Variants in MYT1L observed in about 807,000 individuals in gnomAD.
The protein encoded by MYT1L is myelin transcription factor 1 like, also known as myelin transcription factor 1-like protein.
A neutral mutation model predicts 126.7 loss-of-function variants in MYT1L; 12 were observed. That is an observed-to-expected ratio of 0.09 (90% CI 0.06 to 0.15). The LOEUF (loss-of-function observed/expected upper bound fraction) is 0.15. Among genes scored for constraint, MYT1L ranks in the 10% least tolerant of loss-of-function variants. The pLI, the probability that MYT1L is intolerant of heterozygous loss-of-function variation, is 1.00. For missense variants in MYT1L, 979 were observed against 1,585.2 expected (o/e 0.62, Z 6.49); for synonymous variants, 541 against 604.2 (o/e 0.90, Z 1.53).
At position 1,926,158 on chromosome 2, in the gene MYT1L, G is replaced by C. The variant is rs141725415; in HGVS notation, c.506-2895C>G. On this transcript the variant is annotated intron_variant, in intron 9 of 24. Transcript: ENST00000647738. ...GGGACGGCGGGTGAAGATGGCGTGG[G>C]TGGCCTCAAAGCCTGGCAGGTGAAT... Among the ~76,000 whole-genome samples the C allele has an allele frequency of 1.9e-3, 282 of 152,286 alleles. 2 individuals carry two copies. The highest frequency in any genetic ancestry group is 6.4e-3 in the African/African-American group (267 of 41,564).
chr2:2,209,479 A>T (rs932152123), intron 2 of MYT1L, among the ~76,000 whole-genome samples: 3 of 152,122 alleles, frequency 2.0e-5, no homozygotes, highest in African/African-American at 7.2e-5. Context: ...AGTTTCCACA[A>T]GTATGTGAGA....
At chr2:1,839,599 A>C (rs578212888) in intron 20 of MYT1L, among the ~76,000 whole-genome samples, 1 of 152,350 alleles carries the variant, frequency 6.6e-6, no homozygotes, top group South Asian at 2.1e-4. Context: ...TTGCAGATGG[A>C]AGGATTTTCT....
At chr2:2,256,345 CA>C (rs1200384911) in intron 2 of MYT1L, among the ~76,000 whole-genome samples, 1 of 152,246 alleles carries the variant, frequency 6.6e-6, no homozygotes, top group Non-Finnish European at 1.5e-5. Context: ...GGTTTCAGAT[CA>C]GCAGTTGTCC....
At chr2:2,072,014 T>C (rs1338006907) in intron 3 of MYT1L, among the ~76,000 whole-genome samples, 1 of 152,212 alleles carries the variant, frequency 6.6e-6, no homozygotes, top group East Asian at 1.9e-4. Flanking sequence ...TATGGAATTG[T>C]AAATATAGAT....
chr2:2,200,155 G>A (rs916623289), intron 2 of MYT1L, among the ~76,000 whole-genome samples: 11 of 152,136 alleles, frequency 7.2e-5, no homozygotes, highest in Admixed American at 2.6e-4. Context: ...TAGGCTGCTC[G>A]AGAGGTCCAT....
intron 3 of MYT1L, among the ~76,000 whole-genome samples, chr2:2,082,202 A>G (rs1356168813): frequency 6.6e-6 from 1 of 151,494 alleles, no homozygotes; most frequent in Non-Finnish European, 1.5e-5. Flanking sequence ...AGCATTATAT[A>G]AAATGCTATG....
chr2:1,892,137 G>A lies in MYT1L; in HGVS notation c.2183C>T (p.Ala728Val). 1.3e-6 allele frequency: 2 copies of A among 1,547,810 alleles called. No homozygotes were observed. The highest frequency in any genetic ancestry group is 1.7e-6 in the Non-Finnish European group (2 of 1,146,650). The change falls in exon 15 of 25, where the codon GCG (alanine) becomes GTG (valine). Residue 728 changes from alanine to valine, a missense_variant. Physicochemically the swap from Ala to Val is moderately conservative, Grantham distance 64. Coordinates refer to ENST00000647738, the MANE Select transcript of MYT1L (RefSeq NM_001303052.2). ...SSFDYTHDME[A>V]AHMAATAILN... The stretch of plus-strand genomic sequence containing the variant: ...GATGGCGGTGGCCGCCATGTGGGCC[G>A]CCTCCATGTCGTGCGTGTAGTCGAA...
chr2:1,934,291 C>T (rs1002045325), intron 9 of MYT1L, among the ~76,000 whole-genome samples: 2 of 123,528 alleles, frequency 1.6e-5, no homozygotes, highest in East Asian at 3.0e-4. Flanking sequence ...ATTTTTATAA[C>T]ATATATATAT....
chr2:2,242,503 A>G (rs944849962), intron 2 of MYT1L, among the ~76,000 whole-genome samples: 1 of 152,234 alleles, frequency 6.6e-6, no homozygotes, highest in African/African-American at 2.4e-5. Context: ...TCATGAAGAC[A>G]GTGCCTGGCA....
Position 1,791,898 on chromosome 2 carries a change from A to T in MYT1L, c.3530T>A (p.Ile1177Lys). 6.2e-7 allele frequency: 1 copy of T among 1,609,580 alleles called. No individual in the cohort carries two copies. The change falls in exon 25 of 25, where the codon ATA (isoleucine) becomes AAA (lysine). Residue 1177 changes from isoleucine (I) to lysine (K), a missense_variant. Physicochemically the swap from Ile to Lys is moderately radical, Grantham distance 102 (BLOSUM62 -3). This residue lies in a region of MYT1L where 179 missense variants were observed against 398.6 expected (regional missense o/e 0.45). Transcript: ENST00000647738. The surrounding 1 kb of genome is among the most constrained non-coding windows in gnomAD (Gnocchi z 6.0). ...CTGAATTCCTCTCACAGCCTGCTTT[A>T]TATTTTCCAGTAGGGCTTTATTTTC... is the stretch of plus-strand genomic sequence containing the variant. ...SPENKALLEN[I>K]KQAVRGIQV
intron 5 of MYT1L, among the ~76,000 whole-genome samples, chr2:1,994,393 G>A (rs1050693667): frequency 1.1e-4 from 17 of 150,940 alleles, no homozygotes; most frequent in Non-Finnish European, 2.4e-4. Flanking sequence ...TCCTCCCAGC[G>A]AGTCCTCCTG....
At chr2:1,859,247 G>A (rs553318035) in intron 18 of MYT1L, among the ~76,000 whole-genome samples, 10 of 152,264 alleles carry the variant, frequency 6.6e-5, no homozygotes, top group African/African-American at 2.4e-4. Context: ...GCATTTAGGT[G>A]GAATGCTTGC....
chr2:2,198,388 G>A (rs1346993332), intron 2 of MYT1L, among the ~76,000 whole-genome samples: 4 of 152,018 alleles, frequency 2.6e-5, no homozygotes, highest in Admixed American at 6.6e-5. Context: ...AAGGTATTGC[G>A]TATTTCAAGA....
intron 4 of MYT1L, among the ~76,000 whole-genome samples, chr2:2,024,932 C>T (rs550398460): frequency 4.9e-4 from 74 of 152,388 alleles, no homozygotes; most frequent in African/African-American, 1.6e-3. Flanking sequence ...GGACGCGTTC[C>T]GCCTGTCCCA....
chr2:1,825,611 G>A (rs1412781126), intron 21 of MYT1L: 1 of 152,142 alleles, frequency 6.6e-6, no homozygotes, highest in Admixed American at 6.5e-5. Flanking sequence ...ATGGGAACCC[G>A]CTTTTAAAAG....
intron 2 of MYT1L, among the ~76,000 whole-genome samples, chr2:2,251,519 C>T (rs1326628573): frequency 6.6e-6 from 1 of 152,118 alleles, no homozygotes; most frequent in Non-Finnish European, 1.5e-5. Flanking sequence ...TGACTTGTAC[C>T]CTCACACCCT....
intron 2 of MYT1L, among the ~76,000 whole-genome samples, chr2:2,245,877 C>G (rs1237231271): frequency 6.6e-6 from 1 of 152,272 alleles, no homozygotes; most frequent in Admixed American, 6.5e-5. Context: ...AACATGGAGG[C>G]TGGGGCTAGG....
chr2:2,181,103 T>TGAACATGTATCTGTACCTGTGTGC (rs2091450734), intron 2 of MYT1L, among the ~76,000 whole-genome samples: 1 of 151,578 alleles, frequency 6.6e-6, no homozygotes, highest in Non-Finnish European at 1.5e-5. Context: ...TACCTGTGTG[T>TGAACATGTATCTGTACCTGTGTGC]GAACATGTAT....
chr2:2,261,684 A>G (rs542197195), intron 2 of MYT1L, among the ~76,000 whole-genome samples: 4 of 152,236 alleles, frequency 2.6e-5, no homozygotes, highest in Non-Finnish European at 5.9e-5. Flanking sequence ...AACGTCCACA[A>G]TTGAAAATAA....
Sources: allele counts gnomAD v4.1 joint callset (sites outside exome capture counted in the v4.1 genomes callset), GRCh38; gene constraint gnomAD v4.1.1; regional missense constraint gnomAD v4.1.1; non-coding constraint Gnocchi (gnomAD v3.1); transcripts MANE v1.5; gene names NCBI Gene and HGNC (gene_info 2026-07-23, HGNC 2026-07-21).